Variants in MED13L observed in about 807,000 individuals in gnomAD.
MED13L encodes the protein mediator of RNA polymerase II transcription subunit 13-like.
MED13L carries 7 observed loss-of-function variants against 220.9 expected under a neutral mutation model. The observed-to-expected ratio is 0.03, with a 90% CI of 0.02 to 0.06. The LOEUF (loss-of-function observed/expected upper bound fraction) is 0.06, where lower values mean the gene tolerates loss of function less well. Ranked by LOEUF, MED13L falls within the 10% of genes least tolerant of loss-of-function variation. The pLI is 1.00. For synonymous variants in MED13L, 1,011 were observed against 1,015.2 expected (o/e 1.00, Z 0.08); for missense variants, 1,965 against 2,760.5 (o/e 0.71, Z 6.46).
chr12:116,266,585 T>C (rs1404207873), intron 1 of MED13L, among the ~76,000 whole-genome samples: 1 of 152,226 alleles, frequency 6.6e-6, no homozygotes, highest in African/African-American at 2.4e-5. Context: ...ACACTAAGCA[T>C]AAGTTTATTC....
At chr12:115,972,981 C>T (rs978612219) in intron 25 of MED13L, among the ~76,000 whole-genome samples, 1 of 152,098 alleles carries the variant, frequency 6.6e-6, no homozygotes, top group Non-Finnish European at 1.5e-5. Flanking sequence ...CTTTCGGATC[C>T]CATCTTGCTC....
chr12:116,128,383 G>A (rs1292567211), intron 2 of MED13L, among the ~76,000 whole-genome samples: 1 of 151,832 alleles, frequency 6.6e-6, no homozygotes, highest in Non-Finnish European at 1.5e-5. Context: ...ACAATTGAAG[G>A]CTCTTACTTG....
At chr12:116,220,758 T>G (rs943168921) in intron 2 of MED13L, among the ~76,000 whole-genome samples, 6 of 152,184 alleles carry the variant, frequency 3.9e-5, no homozygotes, top group African/African-American at 1.4e-4. Flanking sequence ...TGGCAGAGGT[T>G]ACATTTTATA....
intron 22 of MED13L, 111 bp downstream of exon 22, chr12:115,982,273 G>C: frequency 8.8e-7 from 1 of 1,139,502 alleles, no homozygotes. Flanking sequence ...TTGGTTAGGG[G>C]ATAATTAACC....
intron 14 of MED13L, among the ~76,000 whole-genome samples, chr12:116,002,490 C>A (rs563839184): frequency 7.9e-4 from 119 of 151,024 alleles, no homozygotes; most frequent in South Asian, 1.9e-3. Flanking sequence ...AGAATATACT[C>A]AAAAAAAAGA....
At chr12:116,071,627 A>T (rs41452748) in intron 4 of MED13L, among the ~76,000 whole-genome samples, 22,655 of 152,230 alleles carry the variant, frequency 0.15, 1,899 homozygotes, top group Middle Eastern at 0.21. Context: ...ACTATGTTCA[A>T]CTACAGTGCT....
Position 116,003,094 on chromosome 12 carries a change from T to C in MED13L, c.2478A>G (p.Ser826=). The C allele has an allele frequency of 1.9e-6, 3 of 1,613,874 alleles. No individual in the cohort carries two copies. The highest frequency in any genetic ancestry group is 2.5e-6 in the Non-Finnish European group (3 of 1,179,780). Residue 826 remains serine (S), a synonymous_variant, in exon 14 of 31, where the codon TCA becomes TCG. Transcript: ENST00000281928. ...GCATTTTTGATGAGCGCAGAGCAGG[T>C]GATACAGCCTAAGAACAGACGGTGT... is the stretch of plus-strand genomic sequence containing the variant. The part of the protein sequence containing the change: ...NSDDDELGAV[S]PALRSSKMPA...
intron 17 of MED13L, among the ~76,000 whole-genome samples, chr12:115,987,780 G>C (rs913317540): frequency 6.6e-6 from 1 of 152,140 alleles, no homozygotes; most frequent in African/African-American, 2.4e-5. Context: ...TGAAGAGAAG[G>C]CCAATCTTCA....
chr12:116,098,246 CA>C (rs1044548394), intron 3 of MED13L, among the ~76,000 whole-genome samples: 8 of 149,354 alleles, frequency 5.4e-5, no homozygotes, highest in Middle Eastern at 3.4e-3. Context: ...AACTCCATCT[CA>C]AAAAAAATAA....
At chr12:116,122,113 C>A (rs926085844) in intron 2 of MED13L, among the ~76,000 whole-genome samples, 6 of 151,986 alleles carry the variant, frequency 3.9e-5, no homozygotes, top group African/African-American at 1.4e-4. Flanking sequence ...AAAAAAAAAT[C>A]TTCTGAATTA....
At chr12:116,024,654 G>A (rs956207135) in intron 4 of MED13L, among the ~76,000 whole-genome samples, 1 of 150,844 alleles carries the variant, frequency 6.6e-6, no homozygotes, top group Non-Finnish European at 1.5e-5. Flanking sequence ...TTCTATTTTT[G>A]TTTTTATTAC....
intron 2 of MED13L, among the ~76,000 whole-genome samples, chr12:116,119,835 AAAAATATATAT>A (rs1416320072): frequency 9.2e-5 from 10 of 109,164 alleles, no homozygotes; most frequent in Non-Finnish European, 1.6e-4. Flanking sequence ...AAAAAAAAAA[AAAAATATATAT>A]ATATATATAT....
intron 2 of MED13L, among the ~76,000 whole-genome samples, chr12:116,120,393 G>A (rs903137015): frequency 1.4e-5 from 2 of 146,474 alleles, no homozygotes; most frequent in South Asian, 4.5e-4. Flanking sequence ...TTTTTCAAAG[G>A]CTAAGTCAGA....
chr12:116,061,675 T>C (rs2137637980), intron 4 of MED13L, among the ~76,000 whole-genome samples: 1 of 152,172 alleles, frequency 6.6e-6, no homozygotes, highest in South Asian at 2.1e-4. Context: ...GATTTTAAAT[T>C]TTACAGTTCA....
At chr12:116,071,823 C>T (rs1012895964) in intron 4 of MED13L, among the ~76,000 whole-genome samples, 1 of 151,908 alleles carries the variant, frequency 6.6e-6, no homozygotes, top group African/African-American at 2.4e-5. Context: ...TATGGGCATG[C>T]TCTATCTCCT....
intron 1 of MED13L, chr12:116,276,296 A>G: frequency 2.2e-6 from 1 of 446,222 alleles, no homozygotes; most frequent in South Asian, 2.5e-5. Flanking sequence ...CAAACCGACC[A>G]GCTTGTTGCT....
At chr12:116,139,544 A>G (rs1192759526) in intron 2 of MED13L, among the ~76,000 whole-genome samples, 2 of 152,202 alleles carry the variant, frequency 1.3e-5, no homozygotes, top group African/African-American at 4.8e-5. Flanking sequence ...AAAAGGATAA[A>G]TGACCCTCTT....
Position 116,265,137 on chromosome 12 carries a change from C to T in MED13L, c.72+11923G>A, listed in dbSNP as rs1465145686. ...AAGCTGCCCAAATAGCAAACCTTCC[C>T]TCTCTTTCACTCCTTACACCTCTCC... On this transcript the variant is annotated intron_variant, in intron 1 of 30. Coordinates refer to ENST00000281928, the MANE Select transcript of MED13L (RefSeq NM_015335.5). Among the ~76,000 whole-genome samples the T allele has an allele frequency of 2.0e-5, 3 of 152,194 alleles. No homozygotes were observed. The East Asian group carries it at 5.8e-4, about 29-fold the overall frequency.
At chr12:116,139,108 A>G (rs1277764311) in intron 2 of MED13L, among the ~76,000 whole-genome samples, 2 of 152,218 alleles carry the variant, frequency 1.3e-5, no homozygotes, top group African/African-American at 2.4e-5. Context: ...AACTTTCACT[A>G]GAAAAACATA....
Sources: allele counts gnomAD v4.1 joint callset (sites outside exome capture counted in the v4.1 genomes callset), GRCh38; gene constraint gnomAD v4.1.1; transcripts MANE v1.5; gene names NCBI Gene and HGNC (gene_info 2026-07-23, HGNC 2026-07-21).